The following KCNQ1 variants were observed in gnomAD, a reference collection of about 807,000 sequenced individuals.
KCNQ1 encodes the protein potassium voltage-gated channel subfamily Q member 1.
Under a neutral mutation model 72.4 loss-of-function variants are expected in KCNQ1, and 49 were observed. That is an observed-to-expected ratio of 0.68 (90% CI 0.54 to 0.86). The LOEUF (loss-of-function observed/expected upper bound fraction) is 0.86, where lower values mean the gene tolerates loss of function less well. KCNQ1 is among the 40% of genes least tolerant of loss of function. The pLI is 0.00. For missense variants in KCNQ1, 790 were observed against 945.1 expected (o/e 0.84, Z 2.15); for synonymous variants, 450 against 412.6 (o/e 1.09, Z -1.10).
At chr11:2,844,271 G>A (rs1050154185) in intron 15 of KCNQ1, among the ~76,000 whole-genome samples, 2 of 152,208 alleles carry the variant, frequency 1.3e-5, no homozygotes, top group Non-Finnish European at 2.9e-5. Flanking sequence ...TTCCCACAAG[G>A]GGGGCAGCAG....
At chr11:2,819,366 G>C (rs1225863839) in intron 15 of KCNQ1, among the ~76,000 whole-genome samples, 4 of 152,168 alleles carry the variant, frequency 2.6e-5, no homozygotes, top group African/African-American at 9.7e-5. Flanking sequence ...GGGCAAGCTG[G>C]GGATTTGGGA....
intron 5 of KCNQ1, among the ~76,000 whole-genome samples, chr11:2,572,628 G>A (rs961386229): frequency 2.0e-5 from 3 of 152,204 alleles, no homozygotes; most frequent in African/African-American, 4.8e-5. Context: ...GGCCTAGGGC[G>A]ACCCCAGGGC....
rs1372360120 is a variant in KCNQ1, at chr11:2,646,365, C to T, written c.1394-15596C>T. Reference sequence around the variant, plus strand: ...GGGATGTCTCAAAAAATTTTGTAGCCTCTTCAATTACTGTTATCAGTATTT... The same window carrying T: ...GGGATGTCTCAAAAAATTTTGTAGCTTCTTCAATTACTGTTATCAGTATTT... On this transcript the variant is annotated intron_variant, in intron 10 of 15. Coordinates refer to ENST00000155840, the MANE Select transcript of KCNQ1 (RefSeq NM_000218.3). 1.0e-5 allele frequency: 4 copies of T among 398,420 alleles called. No homozygotes were observed. The East Asian group carries it at 1.4e-4, about 14-fold the overall frequency. 24.7% of individuals were successfully genotyped at this position (398,420 alleles called of 1,614,324 possible). A position where few individuals can be genotyped will look rare whatever the true frequency, so the allele number is the denominator to read the frequency against.
chr11:2,527,925 C>T lies in KCNQ1; in HGVS notation c.387-3C>T, dbSNP rs1460161223. On this transcript the variant is annotated splice_polypyrimidine_tract_variant and splice_region_variant and intron_variant, in intron 1 of 15. Coordinates refer to ENST00000155840, the MANE Select transcript of KCNQ1 (RefSeq NM_000218.3). Reference sequence around the variant, plus strand: ...TGCTGACTGCCGTGTCCCTGTCTTGCAGCTTCCTCATCGTCCTGGTCTGCC... The same window carrying T: ...TGCTGACTGCCGTGTCCCTGTCTTGTAGCTTCCTCATCGTCCTGGTCTGCC... 3 of 1,613,792 alleles carry T rather than the reference C, an allele frequency of 1.9e-6. No individual in the cohort carries two copies. The highest frequency in any genetic ancestry group is 2.5e-6 in the Non-Finnish European group (3 of 1,179,758).
chr11:2,848,639 G>T lies in KCNQ1; in HGVS notation c.*636G>T, dbSNP rs539193205. 2.2e-6 allele frequency: 1 copy of T among 452,144 alleles called. No individual in the cohort carries two copies. Among genetic ancestry groups the T allele is most frequent in the South Asian group, 1.6e-5 (1 of 64,444 alleles). 28.0% of individuals were successfully genotyped at this position (452,144 alleles called of 1,614,324 possible). A position where few individuals can be genotyped will look rare whatever the true frequency, so the allele number is the denominator to read the frequency against. On this transcript the variant is annotated 3_prime_UTR_variant, in exon 16 of 16. Coordinates refer to ENST00000155840, the MANE Select transcript of KCNQ1 (RefSeq NM_000218.3). Reference sequence around the variant, plus strand: ...TCTCACCATTTCCCCAGGGCACGTGGTTGAGTGGGGGGAACGCCCACTTCC... The same window carrying T: ...TCTCACCATTTCCCCAGGGCACGTGTTTGAGTGGGGGGAACGCCCACTTCC...
At chr11:2,456,657 C>G (rs1248015155) in intron 1 of KCNQ1, among the ~76,000 whole-genome samples, 1 of 150,978 alleles carries the variant, frequency 6.6e-6, no homozygotes, top group Non-Finnish European at 1.5e-5. Flanking sequence ...CGCGGTGGCT[C>G]ACGCCTGTAA....
chr11:2,809,580 GTTC>G lies in KCNQ1; in HGVS notation c.1794+31547_1794+31549del, dbSNP rs1430860312. On this transcript the variant is annotated intron_variant, in intron 15 of 15. Transcript: ENST00000155840. The surrounding 1 kb of genome is among the most constrained non-coding windows in gnomAD (Gnocchi z 7.1). ...CTCTCACCACAGACACCTCTTCTCA[GTTC>G]TTCGTTTCCAGTTGGACTCATCTCC... 5.3e-5 allele frequency among the ~76,000 whole-genome samples: 8 copies of G among 152,138 alleles called. No individual in the cohort carries two copies. Among genetic ancestry groups the G allele is most frequent in the African/African-American group, 1.9e-4 (8 of 41,420 alleles).
intron 11 of KCNQ1, chr11:2,672,983 G>T (rs1308657882): frequency 7.5e-6 from 3 of 398,642 alleles, no homozygotes; most frequent in Admixed American, 4.4e-5. Context: ...TGCAGGCCTT[G>T]CCTAAAGGAG....
chr11:2,848,258 A>C lies in KCNQ1; in HGVS notation c.*255A>C, dbSNP rs1848381965. On this transcript the variant is annotated 3_prime_UTR_variant, in exon 16 of 16. Coordinates refer to ENST00000155840, the MANE Select transcript of KCNQ1 (RefSeq NM_000218.3). ...TTACCCCAAGCGCCCTGGCCCCCAC[A>C]TGGTGATGTTGACATCACTGGCATG... 1 of 645,212 alleles carries C rather than the reference A, an allele frequency of 1.5e-6. No individual in the cohort carries two copies. 40.0% of individuals were successfully genotyped at this position (645,212 alleles called of 1,614,324 possible).
intron 10 of KCNQ1, among the ~76,000 whole-genome samples, chr11:2,590,853 G>T (rs2133764149): frequency 6.6e-6 from 1 of 152,328 alleles, no homozygotes; most frequent in East Asian, 1.9e-4. Flanking sequence ...TGGAAGCCAG[G>T]CCCTGCCTCA....
At chr11:2,823,406 A>G (rs1847778778) in intron 15 of KCNQ1, among the ~76,000 whole-genome samples, 2 of 152,262 alleles carry the variant, frequency 1.3e-5, no homozygotes, top group Admixed American at 1.3e-4. Flanking sequence ...GCAGGAAAAA[A>G]GTATAGAATT....
chr11:2,461,831 G>T, intron 1 of KCNQ1: 1 of 692,380 alleles, frequency 1.4e-6, no homozygotes, highest in East Asian at 6.6e-5. Context: ...GATAGATGAA[G>T]TACTGGGTGG....
At position 2,670,976 on chromosome 11, in the gene KCNQ1, C is replaced by G. The variant is rs187551401; in HGVS notation, c.1514+8895C>G. 2.5e-6 allele frequency: 1 copy of G among 398,524 alleles called. No individual in the cohort carries two copies. The highest frequency in any genetic ancestry group is 4.4e-6 in the Non-Finnish European group (1 of 226,090). 24.7% of individuals were successfully genotyped at this position (398,524 alleles called of 1,614,324 possible). On this transcript the variant is annotated intron_variant, in intron 11 of 15. Coordinates refer to ENST00000155840, the MANE Select transcript of KCNQ1 (RefSeq NM_000218.3). The surrounding 1 kb of genome is among the most constrained non-coding windows in gnomAD (Gnocchi z 4.9). ...TCTTATGGTGCCCCAGAGCCCCTGG[C>G]TAGGCATTCATGCTTTAGATATGTG...
intron 10 of KCNQ1, chr11:2,610,716 C>CTTTTTTTTTTTTT (rs1167505141): frequency 1.3e-4 from 31 of 230,166 alleles, no homozygotes; most frequent in South Asian, 1.3e-3. Flanking sequence ...TCTTGGTTGG[C>CTTTTTTTTTTTTT]TTTTTTTTTT....
chr11:2,694,664 G>A (rs993916759), intron 11 of KCNQ1: 2 of 398,618 alleles, frequency 5.0e-6, no homozygotes, highest in East Asian at 3.6e-5. Context: ...CACCATGTGC[G>A]GACCCTATAC....
chr11:2,452,470 C>A (rs1259120713), intron 1 of KCNQ1, among the ~76,000 whole-genome samples: 1 of 152,150 alleles, frequency 6.6e-6, no homozygotes, highest in East Asian at 1.9e-4. Context: ...GGAGCTCTGA[C>A]TGAGAGGGGT....
intron 15 of KCNQ1, among the ~76,000 whole-genome samples, chr11:2,825,740 G>T (rs990306050): frequency 3.3e-5 from 5 of 152,226 alleles, no homozygotes; most frequent in African/African-American, 7.2e-5. Flanking sequence ...AAAGCAGTCA[G>T]TCATTCACAC....
At chr11:2,634,174 C>CTT (rs201811937) in intron 10 of KCNQ1, 2 of 393,486 alleles carry the variant, frequency 5.1e-6, no homozygotes, top group East Asian at 3.6e-5. Flanking sequence ...CTCTCTCTCC[C>CTT]TTTTTTTTAT....
rs561473610 is a variant in KCNQ1 at position 2,713,685 on chromosome 11, G to A, written c.1514+51604G>A. ...CCACAGGCTCTGCGGGCCTCTGGCC[G>A]AGCTGGGTTGCAGGAGAAGCCAAGT... On this transcript the variant is annotated intron_variant, in intron 11 of 15. Transcript: ENST00000155840. This position sits in a 1 kb window ranked among gnomAD's most constrained non-coding sequence, Gnocchi z 5.6. Among the ~76,000 whole-genome samples, 12 of 152,262 alleles carry A rather than the reference G, an allele frequency of 7.9e-5. No homozygotes were observed. In the South Asian group the frequency reaches 1.9e-3, roughly 24 times the overall value.
Sources: gnomAD v4.1 joint callset for allele counts (sites outside exome capture counted in the v4.1 genomes callset) on GRCh38, gnomAD v4.1.1 for gene constraint, Gnocchi (gnomAD v3.1) non-coding constraint, MANE v1.5 for transcripts, NCBI Gene and HGNC (gene_info 2026-07-23, HGNC 2026-07-21) for gene names.